ACSL6: variants seen among roughly 807,000 people sequenced by gnomAD.
ACSL6 encodes the protein acyl-CoA synthetase long chain family member 6.
A neutral mutation model predicts 98.2 loss-of-function variants in ACSL6; 47 were observed. The observed-to-expected ratio is 0.48, with a 90% CI of 0.38 to 0.61. The LOEUF (loss-of-function observed/expected upper bound fraction) is 0.61, where lower values mean the gene tolerates loss of function less well. ACSL6 is among the 20% of genes least tolerant of loss of function. The probability of loss-of-function intolerance (pLI) is 0.00; values close to 1 mark genes in which losing one functional copy is unlikely to be tolerated. For missense variants in ACSL6, 761 were observed against 913.4 expected (o/e 0.83, Z 2.15); for synonymous variants, 362 against 336.9 (o/e 1.07, Z -0.82).
Position 131,970,300 on chromosome 5 carries a change from C to T in ACSL6, c.1435-100G>A, listed in dbSNP as rs1225250320. On this transcript the variant is annotated intron_variant, in intron 14 of 20. Transcript: ENST00000651883. ...CTAACCTCCCACTGAGCGTGTCTGA[C>T]TGCTTCATGATCAGGGCGATGGAGG... 3 of 1,072,102 alleles carry T rather than the reference C, an allele frequency of 2.8e-6. No individual in the cohort carries two copies. In the East Asian group the frequency reaches 7.1e-5, roughly 26 times the overall value. The allele number at this position is 1,072,102 out of a possible 1,614,324, so 66.4% of individuals were successfully genotyped here.
At chr5:131,991,002 A>G (rs750067812) in intron 2 of ACSL6, 35 bp from the exon 3 acceptor site, 4 of 1,598,734 alleles carry the variant, frequency 2.5e-6, no homozygotes, top group Non-Finnish European at 3.4e-6. Context: ...AAGTTGGCTG[A>G]GGCAGGTAGG....
intron 9 of ACSL6, among the ~76,000 whole-genome samples, chr5:131,978,540 C>G (rs1024552067): frequency 1.3e-5 from 2 of 152,154 alleles, no homozygotes; most frequent in Non-Finnish European, 2.9e-5. Context: ...AGCCTGCAGC[C>G]AGCCCTCGCT....
chr5:132,010,800 G>A (rs983562557), intron 1 of ACSL6, among the ~76,000 whole-genome samples: 21 of 152,170 alleles, frequency 1.4e-4, no homozygotes, highest in African/African-American at 4.8e-4. Flanking sequence ...AAGGGCCTGT[G>A]GTGAGACTCC....
chr5:131,983,146 T>C (rs1382972563), intron 9 of ACSL6: 1 of 152,244 alleles, frequency 6.6e-6, no homozygotes, highest in Non-Finnish European at 1.5e-5. Flanking sequence ...AGAGACCCAA[T>C]TTCCCAAACT....
In ACSL6 at chr5:131,976,645, C is replaced by T. The variant is rs777621756; in HGVS notation, c.990+3G>A. On this transcript the variant is annotated splice_donor_region_variant and intron_variant, in intron 10 of 20. Coordinates refer to ENST00000651883, the MANE Select transcript of ACSL6 (RefSeq NM_001009185.3). ...CCTGCAACAGTAATGCTACTTTATTCACCTCTGTCACTTTCAGAAAGCCTG... is the reference window on the plus strand; with the variant it reads ...CCTGCAACAGTAATGCTACTTTATTTACCTCTGTCACTTTCAGAAAGCCTG... 2.1e-5 allele frequency: 34 copies of T among 1,613,384 alleles called. No homozygotes were observed. The highest frequency in any genetic ancestry group is 2.9e-5 in the Non-Finnish European group (34 of 1,179,348).
chr5:131,962,580 C>T lies in ACSL6; in HGVS notation c.1812G>A (p.Arg604=), dbSNP rs148539410. 7,080 of 1,614,000 alleles carry T rather than the reference C, an allele frequency of 4.4e-3. 22 individuals carry two copies. The highest frequency in any genetic ancestry group is 0.011 in the Middle Eastern group (65 of 6,060). The change falls in exon 18 of 21, where the codon CGG becomes CGA. Residue 604 remains arginine, a synonymous_variant. Coordinates refer to ENST00000651883, the MANE Select transcript of ACSL6 (RefSeq NM_001009185.3). ...APEKIENIYI[R]SQPVAQIYVH... ...CATAGATTTGCGCCACAGGTTGGCT[C>T]CGGATGTAGATGTTCTCAATCTTCT...
intron 8 of ACSL6, among the ~76,000 whole-genome samples, chr5:131,986,205 A>G (rs1351822993): frequency 6.6e-6 from 1 of 152,182 alleles, no homozygotes; most frequent in Non-Finnish European, 1.5e-5. Flanking sequence ...AGATGGGCAA[A>G]CACCAGGAGC....
At chr5:131,966,329 T>A in intron 17 of ACSL6, 87 bp downstream of exon 17, 1 of 1,304,022 alleles carries the variant, frequency 7.7e-7, no homozygotes, top group Non-Finnish European at 1.1e-6. Context: ...CAGGGGGGAT[T>A]TGGAGAAGAC....
intron 20 of ACSL6, among the ~76,000 whole-genome samples, chr5:131,959,272 C>A (rs528511460): frequency 6.6e-6 from 1 of 152,204 alleles, no homozygotes; most frequent in African/African-American, 2.4e-5. Context: ...ATCATGTACA[C>A]ATGATTTACT....
chr5:131,981,043 C>T (rs1053186271), intron 9 of ACSL6, among the ~76,000 whole-genome samples: 60 of 152,242 alleles, frequency 3.9e-4, no homozygotes, highest in Non-Finnish European at 1.5e-4. Flanking sequence ...GAGGACTCCC[C>T]GCATCTTCCT....
intron 17 of ACSL6, 63 bp from the exon 18 acceptor site, chr5:131,962,741 T>A: frequency 6.3e-7 from 1 of 1,587,218 alleles, no homozygotes; most frequent in South Asian, 1.2e-5. Flanking sequence ...CCTTTGCTCC[T>A]CAGTGCCGTA....
chr5:131,975,092 A>T, intron 10 of ACSL6, 122 bp from the exon 11 acceptor site: 2 of 1,294,960 alleles, frequency 1.5e-6, no homozygotes, highest in Non-Finnish European at 2.1e-6. Flanking sequence ...GGGGAGGGGA[A>T]TGGGAGTGGT....
intron 20 of ACSL6, among the ~76,000 whole-genome samples, chr5:131,955,402 T>A (rs1193670149): frequency 6.6e-6 from 1 of 152,262 alleles, no homozygotes; most frequent in African/African-American, 2.4e-5. Flanking sequence ...TAGAATATAC[T>A]TTTTTCCTAA....
At chr5:131,961,536 T>TA (rs942526360) in intron 18 of ACSL6, among the ~76,000 whole-genome samples, 19 of 146,620 alleles carry the variant, frequency 1.3e-4, no homozygotes, top group Non-Finnish European at 1.8e-4. Context: ...CTACTAAAAA[T>TA]AAAAAAAAAA....
intron 1 of ACSL6, among the ~76,000 whole-genome samples, chr5:131,999,863 C>G (rs957713374): frequency 2.0e-5 from 3 of 152,200 alleles, no homozygotes; most frequent in Admixed American, 1.3e-4. Context: ...TCCCCTCACC[C>G]CACCCTGTTT....
At chr5:131,994,297 G>A in intron 1 of ACSL6, 46 bp from the exon 2 acceptor site, 1 of 1,516,892 alleles carries the variant, frequency 6.6e-7, no homozygotes, top group East Asian at 2.4e-5. Context: ...TGACGGGCAG[G>A]TTAGGGAGGG....
At chr5:131,977,526 T>C (rs1753682709) in intron 9 of ACSL6, among the ~76,000 whole-genome samples, 2 of 152,198 alleles carry the variant, frequency 1.3e-5, no homozygotes, top group South Asian at 4.1e-4. Flanking sequence ...TGGCAAGCCA[T>C]TGTTCCTCTC....
At chr5:131,959,198 C>T (rs752738507) in intron 20 of ACSL6, among the ~76,000 whole-genome samples, 2 of 152,126 alleles carry the variant, frequency 1.3e-5, no homozygotes, top group Non-Finnish European at 2.9e-5. Flanking sequence ...AGAAGACGGT[C>T]CCCACAAAAA....
At chr5:131,976,619 A>T (rs1394885400) in intron 10 of ACSL6, 29 bp downstream of exon 10, 1 of 1,581,016 alleles carries the variant, frequency 6.3e-7, no homozygotes, top group East Asian at 2.2e-5. Context: ...CTCAAGAGAC[A>T]CCTGCAACAG....
Sources: gnomAD v4.1 joint callset for allele counts (sites outside exome capture counted in the v4.1 genomes callset) on GRCh38, gnomAD v4.1.1 for gene constraint, MANE v1.5 for transcripts, NCBI Gene and HGNC (gene_info 2026-07-23, HGNC 2026-07-21) for gene names.